Variants in DPYD observed in about 807,000 individuals in gnomAD.
The protein encoded by DPYD is dihydropyrimidine dehydrogenase [NADP(+)].
DPYD carries 109 observed loss-of-function variants against 116.2 expected under a neutral mutation model. The observed-to-expected ratio is 0.94, with a 90% CI of 0.80 to 1.10. The LOEUF is 1.10. Among genes scored for constraint, DPYD ranks in the 50% least tolerant of loss-of-function variants. The pLI is 0.00. For synonymous variants in DPYD, 440 were observed against 432.0 expected, an observed-to-expected ratio of 1.02 and a Z score of -0.23; for missense variants, 1,302 against 1,254.5, an observed-to-expected ratio of 1.04 and a Z score of -0.57.
At chr1:97,733,798 T>C (rs1438545024) in intron 4 of DPYD, among the ~76,000 whole-genome samples, 1 of 152,058 alleles carries the variant, frequency 6.6e-6, no homozygotes, top group Non-Finnish European at 1.5e-5. Context: ...AGTTCTTTCC[T>C]TCCTGCTGAG....
At chr1:97,914,913 C>G (rs1674141419) in intron 1 of DPYD, among the ~76,000 whole-genome samples, 1 of 152,132 alleles carries the variant, frequency 6.6e-6, no homozygotes, top group Non-Finnish European at 1.5e-5. Flanking sequence ...TAACTCCTCC[C>G]TTTCTCATAG....
At chr1:97,700,087 A>G in intron 5 of DPYD, 1 of 367,496 alleles carries the variant, frequency 2.7e-6, no homozygotes, top group Non-Finnish European at 5.3e-6. Context: ...TTCAAGAACT[A>G]CTGACGCAGG....
At chr1:97,164,479 G>A (rs1012989448) in intron 20 of DPYD, among the ~76,000 whole-genome samples, 2 of 152,176 alleles carry the variant, frequency 1.3e-5, no homozygotes, top group Non-Finnish European at 2.9e-5. Context: ...AAGAGAGGAA[G>A]TGAAACTATC....
chr1:97,200,824 G>T (rs1203796958), intron 19 of DPYD, among the ~76,000 whole-genome samples: 1 of 152,172 alleles, frequency 6.6e-6, no homozygotes, highest in Non-Finnish European at 1.5e-5. Context: ...GCTAGTTGGA[G>T]GCAGTGCTGG....
rs530430158 is a variant in DPYD, at chr1:97,845,503, T to C, written c.151-17307A>G. Among the ~76,000 whole-genome samples the C allele has an allele frequency of 2.0e-5, 3 of 152,322 alleles. No individual in the cohort carries two copies. In the South Asian group the frequency reaches 6.2e-4, roughly 32 times the overall value. On this transcript the variant is annotated intron_variant, in intron 2 of 22. Transcript: ENST00000370192. ...TTAGGACGACCTGCCTGTGGAAAGC[T>C]GCTAACCACTATGGGTCTCTCGAGT...
chr1:97,281,296 T>A (rs1665306582), intron 18 of DPYD, among the ~76,000 whole-genome samples: 1 of 151,470 alleles, frequency 6.6e-6, no homozygotes, highest in South Asian at 2.1e-4. Flanking sequence ...AGAAAAGAGC[T>A]GAGAGTAAAA....
chr1:97,654,760 C>T (rs550791354), intron 8 of DPYD, among the ~76,000 whole-genome samples: 6 of 152,052 alleles, frequency 3.9e-5, no homozygotes, highest in Non-Finnish European at 8.8e-5. Context: ...TATTAGTCTG[C>T]TTTCATGCTG....
chr1:97,089,844 T>G (rs2101576075), intron 21 of DPYD, among the ~76,000 whole-genome samples: 1 of 150,698 alleles, frequency 6.6e-6, no homozygotes, highest in African/African-American at 2.4e-5. Context: ...TTTTTTTTTT[T>G]TTTTTACTTT....
At chr1:97,513,653 T>C (rs1647976872) in intron 13 of DPYD, among the ~76,000 whole-genome samples, 1 of 151,784 alleles carries the variant, frequency 6.6e-6, no homozygotes. Context: ...CCGAAATGTA[T>C]AGTACATGTA....
chr1:97,258,886 T>C (rs1001507850), intron 18 of DPYD, among the ~76,000 whole-genome samples: 1 of 152,156 alleles, frequency 6.6e-6, no homozygotes, highest in Non-Finnish European at 1.5e-5. Context: ...AAGTCAAGCC[T>C]ATATAAGATA....
intron 5 of DPYD, among the ~76,000 whole-genome samples, chr1:97,706,262 A>C (rs1166264563): frequency 6.6e-6 from 1 of 152,096 alleles, no homozygotes; most frequent in Non-Finnish European, 1.5e-5. Context: ...TGAAGCATTT[A>C]AAAAACACTG....
In DPYD at chr1:97,593,220, C is replaced by A; in HGVS notation, c.1126G>T (p.Glu376Ter). The A allele has an allele frequency of 6.2e-7, 1 of 1,614,000 alleles. No individual in the cohort carries two copies. Among genetic ancestry groups the A allele is most frequent in the Non-Finnish European group, 8.5e-7 (1 of 1,180,002 alleles). Reference protein sequence around the residue: ...GFVNIRAVPEEMELAKEEKCE... With the variant: ...GFVNIRAVPE ...ATTTTCTGATGGTTCCATTTTACCT[C>A]CTCAGGGACAGCTCTTATATTAACA... The change falls in exon 10 of 23, where the codon GAG (glutamate) becomes TAG (stop). Residue 376 changes from glutamate (E) to a stop codon, truncating the protein, a stop_gained and splice_region_variant. Coordinates refer to ENST00000370192, the MANE Select transcript of DPYD (RefSeq NM_000110.4). LOFTEE classifies it high-confidence loss of function.
At chr1:97,456,117 T>C (rs1243760343) in intron 13 of DPYD, among the ~76,000 whole-genome samples, 2 of 151,806 alleles carry the variant, frequency 1.3e-5, no homozygotes, top group Admixed American at 6.6e-5. Flanking sequence ...ATATCCATGG[T>C]TGCATATCTA....
intron 14 of DPYD, among the ~76,000 whole-genome samples, chr1:97,392,951 A>G (rs940671681): frequency 6.6e-6 from 1 of 152,150 alleles, no homozygotes; most frequent in African/African-American, 2.4e-5. Context: ...AATGTTCTTA[A>G]GGGCATCTAG....
chr1:97,499,433 T>C (rs1346475885), intron 13 of DPYD, among the ~76,000 whole-genome samples: 1 of 151,800 alleles, frequency 6.6e-6, no homozygotes, highest in Non-Finnish European at 1.5e-5. Context: ...AAACAGTAAA[T>C]ATTTTCATTT....
intron 18 of DPYD, among the ~76,000 whole-genome samples, chr1:97,281,480 C>G (rs1570417671): frequency 6.6e-6 from 1 of 151,892 alleles, no homozygotes; most frequent in Non-Finnish European, 1.5e-5. Context: ...TCAGCCCTCT[C>G]TATAACTGAT....
chr1:97,106,967 T>A (rs532672017), intron 20 of DPYD, among the ~76,000 whole-genome samples: 10 of 152,184 alleles, frequency 6.6e-5, no homozygotes, highest in African/African-American at 2.4e-4. Flanking sequence ...TAAGAGGGAA[T>A]CTAATATGTT....
At chr1:97,898,557 T>A (rs1266841175) in intron 1 of DPYD, among the ~76,000 whole-genome samples, 1 of 151,932 alleles carries the variant, frequency 6.6e-6, no homozygotes, top group Admixed American at 6.6e-5. Flanking sequence ...AAAATAATTG[T>A]TTCATATATT....
chr1:97,333,653 C>T (rs148652810), intron 16 of DPYD, among the ~76,000 whole-genome samples: 9,578 of 149,572 alleles, frequency 0.064, 411 homozygotes, highest in African/African-American at 0.12. Context: ...CCCGAGTAGC[C>T]GGGATTACAG....
Sources: allele counts gnomAD v4.1 joint callset (sites outside exome capture counted in the v4.1 genomes callset), GRCh38; gene constraint gnomAD v4.1.1; transcripts MANE v1.5; gene names NCBI Gene and HGNC (gene_info 2026-07-23, HGNC 2026-07-21).